The following ADAMTS20 variants were observed in gnomAD, a reference collection of about 807,000 sequenced individuals.
ADAMTS20 encodes the protein A disintegrin and metalloproteinase with thrombospondin motifs 20.
Under a neutral mutation model 260.1 loss-of-function variants are expected in ADAMTS20, and 225 were observed. The ratio of observed to expected loss-of-function variants is 0.87; its 90% CI spans 0.78 to 0.97. ADAMTS20 has a LOEUF of 0.97. ADAMTS20 is among the 50% of genes least tolerant of loss of function. The pLI, the probability that ADAMTS20 is intolerant of heterozygous loss-of-function variation, is 0.00. For missense variants in ADAMTS20, 2,400 were observed against 2,337.7 expected (o/e 1.03, Z -0.55); for synonymous variants, 802 against 769.5 (o/e 1.04, Z -0.70).
intron 18 of ADAMTS20, among the ~76,000 whole-genome samples, chr12:43,436,982 C>G (rs1250224637): frequency 1.3e-5 from 2 of 152,194 alleles, no homozygotes; most frequent in Non-Finnish European, 2.9e-5. Flanking sequence ...GTTAACTTGT[C>G]TGACCCACAG....
intron 3 of ADAMTS20, among the ~76,000 whole-genome samples, chr12:43,508,771 T>C (rs1201743719): frequency 6.6e-6 from 1 of 152,180 alleles, no homozygotes; most frequent in Non-Finnish European, 1.5e-5. Flanking sequence ...AATCCAATTA[T>C]ACTCTTTTAG....
chr12:43,377,280 A>T, intron 32 of ADAMTS20, 85 bp downstream of exon 32: 1 of 1,214,582 alleles, frequency 8.2e-7, no homozygotes, highest in Non-Finnish European at 1.1e-6. Flanking sequence ...CTGAGGATCT[A>T]GTTAGACATA....
In ADAMTS20 at chr12:43,551,080, G is replaced by C. The variant is rs759595755; in HGVS notation, c.282C>G (p.Thr94=). 8.7e-6 allele frequency: 14 copies of C among 1,613,846 alleles called. 1 individual carries two copies. In the East Asian group the frequency reaches 3.1e-4, roughly 36 times the overall value. ...AYGQLFQLNL[T]ADASFLAAGY... ...CGGCGGCCAGAAAGGATGCATCGGC[G>C]GTCAGGTTCAGCTGGAAGAGCTGCC... Residue 94 remains threonine (T), a synonymous_variant, in exon 2 of 39, where the codon ACC becomes ACG. Coordinates refer to ENST00000389420, the MANE Select transcript of ADAMTS20 (RefSeq NM_025003.5). This position sits in a 1 kb window ranked among gnomAD's most constrained non-coding sequence, Gnocchi z 4.6.
At chr12:43,414,672 G>T (rs373675059) in intron 28 of ADAMTS20, among the ~76,000 whole-genome samples, 27 of 152,134 alleles carry the variant, frequency 1.8e-4, no homozygotes, top group East Asian at 1.5e-3. Flanking sequence ...AAATTTAAGA[G>T]TCTGATAATA....
intron 36 of ADAMTS20, among the ~76,000 whole-genome samples, chr12:43,373,343 T>C (rs1940146253): frequency 1.3e-5 from 2 of 152,212 alleles, no homozygotes; most frequent in South Asian, 4.1e-4. Flanking sequence ...AGAGCGCTAA[T>C]AACATACTTA....
intron 28 of ADAMTS20, among the ~76,000 whole-genome samples, chr12:43,402,664 T>C (rs1248934424): frequency 1.3e-5 from 2 of 152,112 alleles, no homozygotes; most frequent in Non-Finnish European, 2.9e-5. Context: ...ATAGCCCATT[T>C]GGTAGGAATA....
intron 2 of ADAMTS20, among the ~76,000 whole-genome samples, chr12:43,547,638 G>A (rs1036906238): frequency 9.9e-5 from 15 of 152,198 alleles, no homozygotes; most frequent in Non-Finnish European, 1.8e-4. Context: ...GAGGCCTTTA[G>A]AGGGGTCTGC....
chr12:43,408,791 T>C (rs182148990), intron 28 of ADAMTS20, among the ~76,000 whole-genome samples: 16 of 152,330 alleles, frequency 1.1e-4, no homozygotes, highest in African/African-American at 3.6e-4. Context: ...TGTATCAATA[T>C]TTAAGTTGGG....
rs1237702174 is a variant in ADAMTS20, at chr12:43,443,812, G to C, written c.2269C>G (p.Gln757Glu). The change falls in exon 16 of 39, where the codon CAA (glutamine) becomes GAA (glutamate). Residue 757 changes from glutamine (Q) to glutamate (E), a missense_variant. By Grantham distance (29) the Gln-to-Glu change is conservative. Coordinates refer to ENST00000389420, the MANE Select transcript of ADAMTS20 (RefSeq NM_025003.5). ...VDIRQYSYSG[Q>E]PDDSYLALSD... Reference sequence around the variant, plus strand: ...TTACCAAGGTAACTGTCATCTGGTTGTCCAGAATAGCTGTACTGACGAATG... The same window carrying C: ...TTACCAAGGTAACTGTCATCTGGTTCTCCAGAATAGCTGTACTGACGAATG... The C allele has an allele frequency of 1.2e-6, 2 of 1,612,204 alleles. No homozygotes were observed. Among genetic ancestry groups the C allele is most frequent in the Non-Finnish European group, 1.7e-6 (2 of 1,178,782 alleles).
chr12:43,425,768 A>T, intron 27 of ADAMTS20, 78 bp from the exon 28 acceptor site: 1 of 966,482 alleles, frequency 1.0e-6, no homozygotes, highest in South Asian at 3.0e-5. Context: ...GTTTAAACAT[A>T]ATTAGTAATT....
At chr12:43,378,076 G>C (rs943572938) in intron 31 of ADAMTS20, among the ~76,000 whole-genome samples, 2 of 152,158 alleles carry the variant, frequency 1.3e-5, no homozygotes, top group Non-Finnish European at 2.9e-5. Flanking sequence ...ATAGATTTCT[G>C]CTTTTAGCAA....
rs1468135335 is a variant in ADAMTS20 at position 43,532,207 on chromosome 12, G to A, written c.454-12C>T. ...TTAAATGTTCCCGTCTGAAAATAAA[G>A]GAAACAAAAATGAATTTTTCCTAAC... is the stretch of plus-strand genomic sequence containing the variant. On this transcript the variant is annotated splice_polypyrimidine_tract_variant and intron_variant, in intron 2 of 38. Transcript: ENST00000389420. 1.3e-6 allele frequency: 2 copies of A among 1,580,786 alleles called. No homozygotes were observed. Among genetic ancestry groups the A allele is most frequent in the East Asian group, 4.6e-5 (2 of 43,642 alleles).
intron 31 of ADAMTS20, among the ~76,000 whole-genome samples, chr12:43,383,159 A>G (rs1409548647): frequency 1.3e-5 from 2 of 152,208 alleles, no homozygotes; most frequent in Non-Finnish European, 2.9e-5. Context: ...AGTGATGGAA[A>G]TCAAAATGGT....
chr12:43,473,429 G>A lies in ADAMTS20; in HGVS notation c.1118-4724C>T, dbSNP rs1481915676. Reference sequence around the variant, plus strand: ...CACTGTCAACATTAGACAAATCAACGAGACAGAAAGTCAACAAGGATACCC... The same window carrying A: ...CACTGTCAACATTAGACAAATCAACAAGACAGAAAGTCAACAAGGATACCC... On this transcript the variant is annotated intron_variant, in intron 7 of 38. Coordinates refer to ENST00000389420, the MANE Select transcript of ADAMTS20 (RefSeq NM_025003.5). Among the ~76,000 whole-genome samples the A allele has an allele frequency of 6.6e-5, 3 of 45,762 alleles. 1 individual carries two copies. The highest frequency in any genetic ancestry group is 2.9e-4 in the African/African-American group (3 of 10,488). The allele number at this position is 45,762 out of a possible 152,430, so 30.0% of individuals were successfully genotyped here. A position where few individuals can be genotyped will look rare whatever the true frequency, so the allele number is the denominator to read the frequency against.
chr12:43,371,374 AT>A (rs1304605022), intron 36 of ADAMTS20, among the ~76,000 whole-genome samples: 2 of 152,230 alleles, frequency 1.3e-5, no homozygotes, highest in Non-Finnish European at 2.9e-5. Context: ...ATTGGGCAGT[AT>A]TATAGATATT....
At chr12:43,514,560 CAAAAAAAAAAAAAAAAAAAAAAAAAAA>C (rs58435633) in intron 3 of ADAMTS20, among the ~76,000 whole-genome samples, 3 of 63,692 alleles carry the variant, frequency 4.7e-5, no homozygotes, top group African/African-American at 3.1e-4. Flanking sequence ...GACTCTATCT[CAAAAAAAAAAAAAAAAAAAAAAAAAAA>C]AAAAAAAAAA....
At position 43,376,089 on chromosome 12, in the gene ADAMTS20, AC is replaced by A; in HGVS notation, c.5279del (p.Gly1760ValfsTer13). 1 of 1,610,706 alleles carries A rather than the reference AC, an allele frequency of 6.2e-7. No homozygotes were observed. Among genetic ancestry groups the A allele is most frequent in the Non-Finnish European group, 8.5e-7 (1 of 1,178,600 alleles). ...CATACACTTCAGAAAAGTTTTCTTC[AC>A]CTTGGACCAGTGTTAAATATTCCTT... ...NPKEYLTLVQ[G>X]EENFSEVYGF... is the part of the protein sequence containing the mutation. On this transcript the variant is annotated frameshift_variant, in exon 35 of 39. Transcript: ENST00000389420. LOFTEE classifies it high-confidence loss of function.
chr12:43,512,857 A>G (rs1368467767), intron 3 of ADAMTS20, among the ~76,000 whole-genome samples: 2 of 152,238 alleles, frequency 1.3e-5, no homozygotes, highest in Admixed American at 1.3e-4. Flanking sequence ...ATCAATTATT[A>G]CAGCTGAACT....
rs562962967 is a variant in ADAMTS20, at chr12:43,382,099, A to G, written c.4797+1459T>C. Among the ~76,000 whole-genome samples, 6 of 152,288 alleles carry G rather than the reference A, an allele frequency of 3.9e-5. No homozygotes were observed. The East Asian group carries it at 7.7e-4, about 20-fold the overall frequency. On this transcript the variant is annotated intron_variant, in intron 31 of 38. Coordinates refer to ENST00000389420, the MANE Select transcript of ADAMTS20 (RefSeq NM_025003.5). Reference sequence around the variant, plus strand: ...GTTTGGCAGTTCCTCAAAATATTAAATAGAGTTATGATACCCAGCTATTCT... The same window carrying G: ...GTTTGGCAGTTCCTCAAAATATTAAGTAGAGTTATGATACCCAGCTATTCT...
Sources: gnomAD v4.1 joint callset for allele counts (sites outside exome capture counted in the v4.1 genomes callset) on GRCh38, gnomAD v4.1.1 for gene constraint, Gnocchi (gnomAD v3.1) non-coding constraint, MANE v1.5 for transcripts, NCBI Gene and HGNC (gene_info 2026-07-23, HGNC 2026-07-21) for gene names.